The following P4HA2 variants were observed in gnomAD, a reference collection of about 807,000 sequenced individuals.
P4HA2 encodes prolyl 4-hydroxylase subunit alpha 2, also known as prolyl 4-hydroxylase subunit alpha-2.
Under a neutral mutation model 76.9 loss-of-function variants are expected in P4HA2, and 46 were observed. That is an observed-to-expected ratio of 0.60 (90% confidence interval 0.47 to 0.76). The LOEUF is 0.76. Ranked by LOEUF, P4HA2 falls within the 30% of genes least tolerant of loss-of-function variation. P4HA2 has a pLI of 0.00. For missense variants in P4HA2, 583 were observed against 669.4 expected, an observed-to-expected ratio of 0.87 and a Z score of 1.42; for synonymous variants, 243 against 254.0, an observed-to-expected ratio of 0.96 and a Z score of 0.41.
rs1385858112 is a variant in P4HA2 at position 132,207,727 on chromosome 5, T to C, written c.1061A>G (p.Lys354Arg). Residue 354 changes from lysine (K) to arginine (R), a missense_variant, in exon 8 of 15, where the codon AAG becomes AGG. Lys to Arg is a conservative substitution (Grantham distance 26). Transcript: ENST00000360568. ...VMSDEEIERI[K>R]EIAKPKLARA... Reference sequence around the variant, plus strand: ...ACCTACTTTAGGTTTTGCGATCTCCTTGATCCTCTCGATTTCCTCATCAGA... The same window carrying C: ...ACCTACTTTAGGTTTTGCGATCTCCCTGATCCTCTCGATTTCCTCATCAGA... The C allele has an allele frequency of 6.2e-7, 1 of 1,613,888 alleles. No individual in the cohort carries two copies. Among genetic ancestry groups the C allele is most frequent in the East Asian group, 2.2e-5 (1 of 44,876 alleles).
intron 12 of P4HA2, chr5:132,195,733 C>G: frequency 1.8e-6 from 1 of 551,740 alleles, no homozygotes; most frequent in Non-Finnish European, 3.3e-6. Flanking sequence ...CACATCCGGG[C>G]TGTCCCTGGA....
Position 132,218,189 on chromosome 5 carries a change from G to A in P4HA2, c.83-341C>T, listed in dbSNP as rs999106003. ...CTGGGGGCTCACCACAGGATAAAAA[G>A]CTCTGAACTTTAGGTCGGAAGGATA... is the stretch of plus-strand genomic sequence containing the variant. On this transcript the variant is annotated intron_variant, in intron 2 of 14. Transcript: ENST00000360568. Among the ~76,000 whole-genome samples the A allele has an allele frequency of 2.0e-5, 3 of 152,132 alleles. No individual in the cohort carries two copies. The South Asian group carries it at 6.2e-4, about 32-fold the overall frequency.
At position 132,214,012 on chromosome 5, in the gene P4HA2, T is replaced by C; in HGVS notation, c.373A>G (p.Thr125Ala). The change falls in exon 5 of 15, where the codon ACT (threonine) becomes GCT (alanine). Residue 125 changes from threonine to alanine, a missense_variant. Physicochemically the swap from Thr to Ala is moderately conservative, Grantham distance 58. Coordinates refer to ENST00000360568, the MANE Select transcript of P4HA2 (RefSeq NM_001017974.2). ...NLSVQRQFFP[T>A]DEDEIGAAKA... ...GCAGCTCCTATCTCGTCCTCATCAG[T>C]GGGGAAGAACTGCCGCTGCACAGAG... The C allele has an allele frequency of 2.5e-6, 4 of 1,614,086 alleles. No individual in the cohort carries two copies. Among genetic ancestry groups the C allele is most frequent in the Non-Finnish European group, 3.4e-6 (4 of 1,179,944 alleles).
rs199891002 is a variant in P4HA2, at chr5:132,194,992, G to A, written c.1465C>T (p.Arg489Trp). The A allele has an allele frequency of 1.2e-5, 20 of 1,612,966 alleles. No homozygotes were observed. In the South Asian group the frequency reaches 1.5e-4, roughly 12 times the overall value. ...GTTCGGTAGTCACCTTCCCCGCTCCGCAAGAGGTTGTACCAGAACACAGCT... is the reference window on the plus strand; with the variant it reads ...GTTCGGTAGTCACCTTCCCCGCTCCACAAGAGGTTGTACCAGAACACAGCT... The part of the protein sequence containing the change: ...GTAVFWYNLL[R>W]SGEGDYRTRH... Residue 489 changes from arginine (R) to tryptophan (W), a missense_variant, in exon 14 of 15, where the codon CGG becomes TGG. Transcript: ENST00000360568.
chr5:132,198,022 A>G, intron 12 of P4HA2: 2 of 985,410 alleles, frequency 2.0e-6, no homozygotes, highest in South Asian at 9.4e-5. Context: ...TGCTGGTGGC[A>G]GTGGGGAAAA....
chr5:132,199,324 C>T (rs1389106408), intron 10 of P4HA2: 5 of 198,174 alleles, frequency 2.5e-5, no homozygotes, highest in Non-Finnish European at 5.1e-5. Flanking sequence ...AAGTGAGTAA[C>T]AAATTTAAGA....
In P4HA2 at chr5:132,213,931, T is replaced by G. The variant is rs201041856; in HGVS notation, c.454A>C (p.Arg152=). Residue 152 remains arginine, a synonymous_variant, in exon 5 of 15, where the codon AGA becomes CGA. Transcript: ENST00000360568. ...TYRLDPGTIS[R]GELPGTKYQA... The stretch of plus-strand genomic sequence containing the variant: ...GGTGAGTTACCTGGAAGTTCCCCTC[T>G]GGAAATTGTGCCTGGGTCCAGCCTG... 1.6e-5 allele frequency: 26 copies of G among 1,613,986 alleles called. No homozygotes were observed. The highest frequency in any genetic ancestry group is 2.1e-5 in the Non-Finnish European group (25 of 1,179,976).
At chr5:132,207,592 T>C in intron 8 of P4HA2, 116 bp downstream of exon 8, 1 of 789,924 alleles carries the variant, frequency 1.3e-6, no homozygotes, top group East Asian at 2.6e-5. Flanking sequence ...GGTAGGCCCA[T>C]GCTAGATATG....
chr5:132,197,479 G>A (rs1211248823), intron 12 of P4HA2, among the ~76,000 whole-genome samples: 2 of 151,884 alleles, frequency 1.3e-5, no homozygotes, highest in African/African-American at 4.8e-5. Context: ...GTTGTGGCTA[G>A]CGCCTATAAT....
Position 132,214,022 on chromosome 5 carries a change from C to T in P4HA2, c.363G>A (p.Gln121=), listed in dbSNP as rs1753504211. The T allele has an allele frequency of 6.2e-7, 1 of 1,614,008 alleles. No homozygotes were observed. The highest frequency in any genetic ancestry group is 1.7e-5 in the Admixed American group (1 of 60,002). Residue 121 remains glutamine (Q), a synonymous_variant, in exon 5 of 15, where the codon CAG becomes CAA. Coordinates refer to ENST00000360568, the MANE Select transcript of P4HA2 (RefSeq NM_001017974.2). ...GFIANLSVQR[Q]FFPTDEDEIG... is the part of the protein sequence containing the mutation. ...TCTCGTCCTCATCAGTGGGGAAGAACTGCCGCTGCACAGAGAGGTTGGCGA... is the reference window on the plus strand; with the variant it reads ...TCTCGTCCTCATCAGTGGGGAAGAATTGCCGCTGCACAGAGAGGTTGGCGA...
At chr5:132,219,434 T>C (rs1410346518) in intron 1 of P4HA2, among the ~76,000 whole-genome samples, 2 of 152,186 alleles carry the variant, frequency 1.3e-5, no homozygotes. Flanking sequence ...GCTGGGCTGC[T>C]GACATGGGAA....
chr5:132,220,985 G>T (rs1383694398), intron 1 of P4HA2, among the ~76,000 whole-genome samples: 1 of 152,176 alleles, frequency 6.6e-6, no homozygotes, highest in African/African-American at 2.4e-5. Flanking sequence ...GTACTCTGGA[G>T]CCCTACCCCA....
intron 1 of P4HA2, among the ~76,000 whole-genome samples, chr5:132,222,447 C>T (rs573473016): frequency 5.6e-4 from 86 of 152,336 alleles, no homozygotes; most frequent in African/African-American, 1.6e-3. Flanking sequence ...ACTTCCCCTA[C>T]AGGCATCCTG....
At chr5:132,203,892 G>A (rs1751844986) in intron 9 of P4HA2, 45 bp from the exon 10 acceptor site, 2 of 1,424,168 alleles carry the variant, frequency 1.4e-6, no homozygotes, top group Non-Finnish European at 2.0e-6. Context: ...GGAAGGGCAG[G>A]CTTCCATGAG....
chr5:132,204,903 G>A (rs1261456014), intron 8 of P4HA2, among the ~76,000 whole-genome samples: 1 of 152,218 alleles, frequency 6.6e-6, no homozygotes, highest in Non-Finnish European at 1.5e-5. Context: ...AACCCCAAGG[G>A]GGACTCGCCG....
At chr5:132,216,590 C>T (rs1346230843) in intron 4 of P4HA2, among the ~76,000 whole-genome samples, 1 of 152,162 alleles carries the variant, frequency 6.6e-6, no homozygotes, top group Non-Finnish European at 1.5e-5. Context: ...GAGAAATTCA[C>T]AGAATTTTTT....
chr5:132,203,917 C>T, intron 9 of P4HA2, 70 bp from the exon 10 acceptor site: 1 of 1,271,136 alleles, frequency 7.9e-7, no homozygotes, highest in East Asian at 2.3e-5. Context: ...TGAACTCTGT[C>T]CCCAGAGTCA....
chr5:132,225,974 C>T (rs1028094176), intron 1 of P4HA2, among the ~76,000 whole-genome samples: 1 of 152,134 alleles, frequency 6.6e-6, no homozygotes, highest in Non-Finnish European at 1.5e-5. Context: ...ACAGTGGACA[C>T]TCGGCTGTGT....
At position 132,207,774 on chromosome 5, in the gene P4HA2, G is replaced by A. The variant is rs140845692; in HGVS notation, c.1014C>T (p.Ile338=). The A allele has an allele frequency of 4.5e-5, 72 of 1,613,850 alleles. No homozygotes were observed. Among genetic ancestry groups the A allele is most frequent in the South Asian group, 5.5e-5 (5 of 91,080 alleles). ...KEEDEWDSPH[I]VRYYDVMSDE... Reference sequence around the variant, plus strand: ...CAGACATGACATCGTAGTACCTGACGATGTGCGGGCTGTCCCACTCGTCCT... The same window carrying A: ...CAGACATGACATCGTAGTACCTGACAATGTGCGGGCTGTCCCACTCGTCCT... Residue 338 remains isoleucine (I), a synonymous_variant, in exon 8 of 15, where the codon ATC becomes ATT. Transcript: ENST00000360568.
Sources: gnomAD v4.1 joint callset for allele counts (sites outside exome capture counted in the v4.1 genomes callset) on GRCh38, gnomAD v4.1.1 for gene constraint, MANE v1.5 for transcripts, NCBI Gene and HGNC (gene_info 2026-07-23, HGNC 2026-07-21) for gene names.